The following TENM1 variants were observed in gnomAD, a reference collection of about 807,000 sequenced individuals.
The protein encoded by TENM1 is teneurin transmembrane protein 1, also known as teneurin-1.
A neutral mutation model predicts 174.8 loss-of-function variants in TENM1; 35 were observed. The ratio of observed to expected loss-of-function variants is 0.20; its 90% confidence interval spans 0.15 to 0.27. The LOEUF (loss-of-function observed/expected upper bound fraction) is 0.27, where lower values mean the gene tolerates loss of function less well. TENM1 is among the 10% of genes least tolerant of loss of function. The pLI is 1.00. For missense variants in TENM1, 1,633 were observed against 2,130.1 expected, an observed-to-expected ratio of 0.77 and a Z score of 4.59; for synonymous variants, 781 against 798.7, an observed-to-expected ratio of 0.98 and a Z score of 0.37.
At chrX:125,076,945 T>C in the TENM1 span, among the ~76,000 whole-genome samples, 1 of 110,982 alleles carries the variant, frequency 9.0e-6, no homozygotes, top group Non-Finnish European at 1.9e-5. Flanking sequence ...ATCTGCTCTC[T>C]CAGATTCCCT....
intron 11 of TENM1, among the ~76,000 whole-genome samples, chrX:124,592,441 T>G (rs111283307): frequency 0.099 from 10,164 of 102,309 alleles, 536 homozygotes; most frequent in Non-Finnish European, 0.15. Flanking sequence ...TTGGTTTTTT[T>G]TTTTTTTTTT....
intron 21 of TENM1, among the ~76,000 whole-genome samples, chrX:124,483,769 C>A (rs1036612391): frequency 1.8e-5 from 2 of 112,134 alleles, no homozygotes; most frequent in Non-Finnish European, 3.8e-5. Flanking sequence ...ATGAAACTCA[C>A]AGTCTAGTGG....
At chrX:125,041,826 C>A in the TENM1 span, among the ~76,000 whole-genome samples, 1 of 111,110 alleles carries the variant, frequency 9.0e-6, no homozygotes, top group Non-Finnish European at 1.9e-5. Context: ...TAGTACATCT[C>A]ATAAGATTAT....
intron 3 of TENM1, among the ~76,000 whole-genome samples, chrX:124,747,284 C>A (rs1259401159): frequency 1.8e-5 from 2 of 109,164 alleles, no homozygotes; most frequent in Non-Finnish European, 3.8e-5. Flanking sequence ...GCGAAATGAA[C>A]ATAATGTATA....
chrX:124,511,541 C>T (rs929393842), intron 18 of TENM1, among the ~76,000 whole-genome samples: 1 of 111,381 alleles, frequency 9.0e-6, no homozygotes, highest in Admixed American at 9.5e-5. Flanking sequence ...CTGCTCTGTA[C>T]AGGACTCTAG....
intron 22 of TENM1, among the ~76,000 whole-genome samples, chrX:124,471,335 C>T (rs1424986575): frequency 9.5e-5 from 1 of 10,525 alleles, no homozygotes; most frequent in Non-Finnish European, 1.6e-4. Context: ...ATATATAGTA[C>T]TATATATAAT....
chrX:124,425,565 A>G (rs2060703001), intron 23 of TENM1, among the ~76,000 whole-genome samples: 1 of 112,358 alleles, frequency 8.9e-6, no homozygotes, highest in African/African-American at 3.2e-5. Flanking sequence ...TGATGCAGCA[A>G]AAATGCCCTC....
the TENM1 span, among the ~76,000 whole-genome samples, chrX:125,011,539 T>C: frequency 0.037 from 4,156 of 111,621 alleles, 177 homozygotes; most frequent in African/African-American, 0.13. Context: ...GAGCAGACAC[T>C]TCTCAAAAGA....
At chrX:124,968,362 C>G (rs1358004274), upstream of TENM1, among the ~76,000 whole-genome samples, 2 of 111,662 alleles carry the variant, frequency 1.8e-5, no homozygotes. Flanking sequence ...AGAAAAATGT[C>G]TCACTTTGAA....
At chrX:124,603,663 C>A (rs2050083338) in intron 11 of TENM1, among the ~76,000 whole-genome samples, 1 of 111,783 alleles carries the variant, frequency 8.9e-6, no homozygotes, top group African/African-American at 3.2e-5. Flanking sequence ...TTGGTAATAA[C>A]TTATGTTCTA....
chrX:124,735,738 T>C (rs909014160), intron 4 of TENM1, among the ~76,000 whole-genome samples: 1 of 111,752 alleles, frequency 8.9e-6, no homozygotes, highest in African/African-American at 3.3e-5. Flanking sequence ...ATATACACCA[T>C]AGAGTACCAC....
intron 1 of TENM1, among the ~76,000 whole-genome samples, chrX:124,926,114 A>C (rs755826944): frequency 8.9e-6 from 1 of 112,778 alleles, no homozygotes; most frequent in African/African-American, 3.2e-5. Flanking sequence ...ATCTCTGATG[A>C]AGCCCAACAG....
chrX:124,589,449 G>A (rs2049672729), intron 11 of TENM1, among the ~76,000 whole-genome samples: 2 of 110,150 alleles, frequency 1.8e-5, no homozygotes, highest in South Asian at 7.8e-4. Flanking sequence ...TAGTTAGGGA[G>A]GAGTCACTTT....
At chrX:125,004,748 ACAT>A in the TENM1 span, among the ~76,000 whole-genome samples, 1 of 111,944 alleles carries the variant, frequency 8.9e-6, no homozygotes, top group Non-Finnish European at 1.9e-5. Context: ...TAACTCCAAG[ACAT>A]CATCATATTT....
At chrX:124,964,578 T>C (rs1418676846), upstream of TENM1, among the ~76,000 whole-genome samples, 1 of 111,252 alleles carries the variant, frequency 9.0e-6, no homozygotes, top group East Asian at 2.8e-4. Context: ...CCTTTCCCCA[T>C]AGAATGCTGA....
intron 11 of TENM1, among the ~76,000 whole-genome samples, chrX:124,630,640 G>T (rs1005115411): frequency 7.2e-5 from 8 of 111,826 alleles, no homozygotes; most frequent in Non-Finnish European, 7.5e-5. Context: ...CCAGGACATG[G>T]GTCATCTGCT....
At chrX:125,097,245 CT>C in the TENM1 span, among the ~76,000 whole-genome samples, 3 of 110,128 alleles carry the variant, frequency 2.7e-5, no homozygotes, top group East Asian at 2.9e-4. Flanking sequence ...TTTTCTGCTC[CT>C]TTTTTTTTAA....
chrX:124,856,018 T>G (rs1047175305), intron 3 of TENM1, among the ~76,000 whole-genome samples: 1 of 109,860 alleles, frequency 9.1e-6, no homozygotes, highest in African/African-American at 3.3e-5. Flanking sequence ...TTGGGTACGG[T>G]GGTGGGAGTT....
chrX:124,625,694 A>C (rs1447567227), intron 11 of TENM1, among the ~76,000 whole-genome samples: 2 of 110,898 alleles, frequency 1.8e-5, no homozygotes, highest in Non-Finnish European at 3.8e-5. Context: ...GGTGTCTCAC[A>C]TGGTGGAAGC....
Sources: gnomAD v4.1 joint callset for allele counts (sites outside exome capture counted in the v4.1 genomes callset) on GRCh38, gnomAD v4.1.1 for gene constraint, MANE v1.5 for transcripts, NCBI Gene and HGNC (gene_info 2026-07-23, HGNC 2026-07-21) for gene names.